Variants in IL1RAPL1 observed in about 807,000 individuals in gnomAD.
IL1RAPL1 encodes the protein interleukin-1 receptor accessory protein-like 1.
Under a neutral mutation model 48.4 loss-of-function variants are expected in IL1RAPL1, and 3 were observed. The observed-to-expected ratio is 0.06, with a 90% CI of 0.03 to 0.16. The LOEUF (loss-of-function observed/expected upper bound fraction) is 0.16, where lower values mean the gene tolerates loss of function less well. IL1RAPL1 is among the 10% of genes least tolerant of loss of function. The probability of loss-of-function intolerance (pLI) is 1.00; values close to 1 mark genes in which losing one functional copy is unlikely to be tolerated. For synonymous variants in IL1RAPL1, 185 were observed against 187.7 expected (o/e 0.99, Z 0.12); for missense variants, 349 against 530.6 (o/e 0.66, Z 3.36).
At chrX:28,682,475 A>G (rs1353981827) in intron 1 of IL1RAPL1, among the ~76,000 whole-genome samples, 1 of 110,104 alleles carries the variant, frequency 9.1e-6, no homozygotes, top group Non-Finnish European at 1.9e-5. Flanking sequence ...CACGCAGCTA[A>G]TTTTTTTATA....
intron 5 of IL1RAPL1, among the ~76,000 whole-genome samples, chrX:29,534,598 G>A (rs1010488221): frequency 1.8e-5 from 2 of 111,340 alleles, no homozygotes; most frequent in Non-Finnish European, 3.8e-5. Flanking sequence ...ACTTTGGGAG[G>A]CCAAGGCAGG....
At chrX:28,665,436 GT>G (rs1236120280) in intron 1 of IL1RAPL1, among the ~76,000 whole-genome samples, 1 of 111,843 alleles carries the variant, frequency 8.9e-6, no homozygotes, top group African/African-American at 3.2e-5. Context: ...TACACTGGGT[GT>G]CCTGTATTTT....
rs1927131021 is a variant in IL1RAPL1, at chrX:29,052,984, GC to G, written c.83-229951del. Among the ~76,000 whole-genome samples the G allele has an allele frequency of 1.1e-4, 12 of 111,525 alleles. No homozygotes were observed. The South Asian group carries it at 4.2e-3, about 39-fold the overall frequency. Reference sequence around the variant, plus strand: ...GATTGTTTTGTCACCCAGGTATTAAGCCCACTACCCATTAGTTATTTTTTCT... The same window carrying G: ...GATTGTTTTGTCACCCAGGTATTAAGCCACTACCCATTAGTTATTTTTTCT... On this transcript the variant is annotated intron_variant, in intron 2 of 10. Transcript: ENST00000378993.
At chrX:29,143,711 G>A (rs941544847) in intron 2 of IL1RAPL1, among the ~76,000 whole-genome samples, 4 of 111,982 alleles carry the variant, frequency 3.6e-5, no homozygotes, top group African/African-American at 6.5e-5. Flanking sequence ...AGTGATGATG[G>A]CATATTGTTA....
intron 2 of IL1RAPL1, among the ~76,000 whole-genome samples, chrX:29,184,085 C>G (rs991763181): frequency 8.9e-6 from 1 of 111,826 alleles, no homozygotes; most frequent in Admixed American, 9.5e-5. Flanking sequence ...TAGAACTGAC[C>G]ATGTTCTTCT....
intron 3 of IL1RAPL1, among the ~76,000 whole-genome samples, chrX:29,298,902 T>C (rs1289200661): frequency 1.8e-5 from 2 of 111,151 alleles, no homozygotes; most frequent in African/African-American, 6.6e-5. Context: ...CTTGATTGGA[T>C]TGAAGGATGC....
intron 9 of IL1RAPL1, among the ~76,000 whole-genome samples, chrX:29,952,868 T>A (rs1349883090): frequency 8.9e-6 from 1 of 112,195 alleles, no homozygotes; most frequent in Non-Finnish European, 1.9e-5. Flanking sequence ...CCAAGTATCC[T>A]ATAGTGAAGT....
chrX:29,720,554 G>C (rs979305141), intron 6 of IL1RAPL1, among the ~76,000 whole-genome samples: 1 of 110,857 alleles, frequency 9.0e-6, no homozygotes, highest in African/African-American at 3.3e-5. Context: ...GTTGAACAAT[G>C]AGAACACATG....
intron 1 of IL1RAPL1, among the ~76,000 whole-genome samples, chrX:28,746,002 A>G (rs1935972334): frequency 8.9e-6 from 1 of 111,825 alleles, no homozygotes; most frequent in South Asian, 3.7e-4. Flanking sequence ...AGATATTATC[A>G]AAGCTTATAA....
intron 5 of IL1RAPL1, among the ~76,000 whole-genome samples, chrX:29,431,701 A>C (rs897899687): frequency 9.0e-6 from 1 of 111,255 alleles, no homozygotes; most frequent in Non-Finnish European, 1.9e-5. Flanking sequence ...TCCCATTACC[A>C]ACATCATTCC....
chrX:28,725,253 G>C (rs1935656658), intron 1 of IL1RAPL1, among the ~76,000 whole-genome samples: 1 of 110,550 alleles, frequency 9.0e-6, no homozygotes, highest in Non-Finnish European at 1.9e-5. Context: ...CCTGGCCCTT[G>C]GTGTGTTTTT....
At chrX:28,665,357 G>T (rs1455638889) in intron 1 of IL1RAPL1, among the ~76,000 whole-genome samples, 1 of 111,777 alleles carries the variant, frequency 8.9e-6, no homozygotes, top group Non-Finnish European at 1.9e-5. Context: ...AAAAGTGTAA[G>T]TATGTCCCAA....
At chrX:29,918,238 TAAAA>T (rs771849523) in intron 7 of IL1RAPL1, among the ~76,000 whole-genome samples, 1 of 59,365 alleles carries the variant, frequency 1.7e-5, no homozygotes, top group Non-Finnish European at 3.3e-5. Flanking sequence ...ACCTTTTTTT[TAAAA>T]AAAAAAAAAA....
At chrX:29,918,142 A>AAAAAAAAAAAT in intron 7 of IL1RAPL1, among the ~76,000 whole-genome samples, 1 of 47,754 alleles carries the variant, frequency 2.1e-5, no homozygotes, top group Non-Finnish European at 3.5e-5. Context: ...AAAAAAAAAA[A>AAAAAAAAAAAT]AAATATATAT....
At chrX:28,669,592 TG>T (rs1934923929) in intron 1 of IL1RAPL1, among the ~76,000 whole-genome samples, 1 of 106,679 alleles carries the variant, frequency 9.4e-6, no homozygotes, top group South Asian at 3.9e-4. Context: ...CACTCCAGCC[TG>T]GGTGACAGAG....
At chrX:29,947,312 T>TG (rs1443709437) in intron 9 of IL1RAPL1, among the ~76,000 whole-genome samples, 1 of 111,625 alleles carries the variant, frequency 9.0e-6, no homozygotes, top group Non-Finnish European at 1.9e-5. Flanking sequence ...TTTTTCAGAG[T>TG]GTAAAATGGT....
intron 5 of IL1RAPL1, among the ~76,000 whole-genome samples, chrX:29,633,336 C>CCT (rs1288774942): frequency 9.0e-6 from 1 of 110,729 alleles, no homozygotes; most frequent in East Asian, 2.8e-4. Context: ...ATAGTACTTA[C>CCT]CTTTGCTGAG....
At chrX:29,187,161 A>G (rs988359046) in intron 2 of IL1RAPL1, among the ~76,000 whole-genome samples, 3 of 112,306 alleles carry the variant, frequency 2.7e-5, no homozygotes, top group Non-Finnish European at 5.6e-5. Context: ...TCTGTATAAC[A>G]ACAAAGTATT....
intron 3 of IL1RAPL1, among the ~76,000 whole-genome samples, chrX:29,291,020 A>G (rs1234005981): frequency 1.8e-5 from 2 of 111,569 alleles, no homozygotes; most frequent in Non-Finnish European, 3.8e-5. Context: ...AATGCAAAGT[A>G]TAGTGACCCC....
Sources: gnomAD v4.1 joint callset for allele counts (sites outside exome capture counted in the v4.1 genomes callset) on GRCh38, gnomAD v4.1.1 for gene constraint, MANE v1.5 for transcripts, NCBI Gene and HGNC (gene_info 2026-07-23, HGNC 2026-07-21) for gene names.